Variants in SND1 observed in about 807,000 individuals in gnomAD.
SND1 encodes staphylococcal nuclease domain-containing protein 1.
Under a neutral mutation model 121.7 loss-of-function variants are expected in SND1, and 38 were observed. The ratio of observed to expected loss-of-function variants is 0.31; its 90% confidence interval spans 0.24 to 0.41. The LOEUF (loss-of-function observed/expected upper bound fraction) is 0.41. SND1 is among the 10% of genes least tolerant of loss of function. The pLI, the probability that SND1 is intolerant of heterozygous loss-of-function variation, is 1.00. For synonymous variants in SND1, 401 were observed against 447.4 expected (o/e 0.90, Z 1.31); for missense variants, 868 against 1,184.6 (o/e 0.73, Z 3.92).
At chr7:127,857,188 T>A (rs990501695) in intron 12 of SND1, among the ~76,000 whole-genome samples, 7 of 114,700 alleles carry the variant, frequency 6.1e-5, no homozygotes, top group Non-Finnish European at 9.3e-5. Flanking sequence ...CAACACTTTT[T>A]TTTTTTTTTT....
rs75570651 is a variant in SND1, at chr7:127,939,527, C to T, written c.1669+10198C>T. 1.8e-3 allele frequency among the ~76,000 whole-genome samples: 273 copies of T among 152,262 alleles called. 1 individual carries two copies. The highest frequency in any genetic ancestry group is 3.4e-3 in the Middle Eastern group (1 of 294). ...AGATGAATTCTTGCCCTCCTGCTTC[C>T]TAATTAATTATTTCCGTCAGACTGG... On this transcript the variant is annotated intron_variant, in intron 15 of 23. Transcript: ENST00000354725.
chr7:127,836,528 G>A (rs1379542909), intron 11 of SND1, among the ~76,000 whole-genome samples: 3 of 152,240 alleles, frequency 2.0e-5, no homozygotes, highest in South Asian at 2.1e-4. Context: ...ACAACAAAAT[G>A]TATAATTTTT....
At chr7:127,812,603 G>A (rs1192350952) in intron 11 of SND1, among the ~76,000 whole-genome samples, 1 of 152,180 alleles carries the variant, frequency 6.6e-6, no homozygotes, top group Non-Finnish European at 1.5e-5. Flanking sequence ...CAGGGTCACG[G>A]AGAAGTTGAG....
chr7:128,009,118 C>T (rs975157534), intron 16 of SND1, among the ~76,000 whole-genome samples: 12 of 152,158 alleles, frequency 7.9e-5, no homozygotes, highest in Admixed American at 2.6e-4. Context: ...TGCCTATGAG[C>T]GGCCCCCTGG....
chr7:127,762,712 T>C (rs910254861), intron 10 of SND1, among the ~76,000 whole-genome samples: 1 of 152,230 alleles, frequency 6.6e-6, no homozygotes, highest in Non-Finnish European at 1.5e-5. Flanking sequence ...TGTCTTGATA[T>C]GTGATGCTGA....
At chr7:127,946,290 G>T (rs563150572) in intron 15 of SND1, among the ~76,000 whole-genome samples, 2 of 152,332 alleles carry the variant, frequency 1.3e-5, no homozygotes, top group South Asian at 2.1e-4. Flanking sequence ...TGTGGGATGG[G>T]TTTATGAGCT....
At position 127,917,107 on chromosome 7, in the gene SND1, C is replaced by T. The variant is rs1057260660; in HGVS notation, c.1528-12081C>T. On this transcript the variant is annotated intron_variant, in intron 14 of 23. Coordinates refer to ENST00000354725, the MANE Select transcript of SND1 (RefSeq NM_014390.4). The stretch of plus-strand genomic sequence containing the variant: ...TCAATTCTCTGCCATCACTTACGCA[C>T]TCTGTGGTACATCATTTTCCACTGA... Among the ~76,000 whole-genome samples the T allele has an allele frequency of 2.0e-5, 3 of 152,210 alleles. No homozygotes were observed. In the East Asian group the frequency reaches 5.8e-4, roughly 29 times the overall value.
chr7:127,918,048 A>AT (rs1334995069), intron 14 of SND1, among the ~76,000 whole-genome samples: 12 of 68,098 alleles, frequency 1.8e-4, no homozygotes, highest in South Asian at 7.4e-4. Context: ...TCGGCCATAG[A>AT]TTTTTTCTTT....
At chr7:127,866,457 AGG>A (rs1799479220) in intron 12 of SND1, among the ~76,000 whole-genome samples, 2 of 150,388 alleles carry the variant, frequency 1.3e-5, no homozygotes, top group Non-Finnish European at 3.0e-5. Context: ...GATGCTGCCT[AGG>A]TGTTCCTTGG....
At chr7:128,068,224 T>A (rs1428600854) in intron 16 of SND1, among the ~76,000 whole-genome samples, 1 of 151,874 alleles carries the variant, frequency 6.6e-6, no homozygotes. Flanking sequence ...TCCCCACACT[T>A]ACCACATGCA....
At chr7:128,022,435 T>C (rs1803378122) in intron 16 of SND1, among the ~76,000 whole-genome samples, 1 of 152,120 alleles carries the variant, frequency 6.6e-6, no homozygotes. Context: ...CTGCTATCCT[T>C]TCAAAACTCT....
intron 9 of SND1, among the ~76,000 whole-genome samples, chr7:127,715,870 C>T (rs1796379499): frequency 6.6e-6 from 1 of 152,120 alleles, no homozygotes; most frequent in Admixed American, 6.6e-5. Flanking sequence ...AGTAATGAAT[C>T]CATTTTGAGT....
At chr7:127,865,508 TAAAC>T (rs1040417206) in intron 12 of SND1, among the ~76,000 whole-genome samples, 7 of 152,292 alleles carry the variant, frequency 4.6e-5, no homozygotes, top group South Asian at 2.1e-4. Flanking sequence ...GGTACAAGAT[TAAAC>T]AAACAAACAA....
At chr7:127,710,005 A>G (rs1180704102) in intron 9 of SND1, among the ~76,000 whole-genome samples, 1 of 151,680 alleles carries the variant, frequency 6.6e-6, no homozygotes, top group Non-Finnish European at 1.5e-5. Context: ...TTTTTTTTTA[A>G]CAAAGTTGAT....
intron 9 of SND1, among the ~76,000 whole-genome samples, chr7:127,714,154 G>A (rs1372713386): frequency 6.6e-6 from 1 of 152,144 alleles, no homozygotes; most frequent in African/African-American, 2.4e-5. Context: ...CTGGTTAGAG[G>A]CTTCTTGCTT....
At chr7:127,666,942 A>G (rs1018084620) in intron 1 of SND1, among the ~76,000 whole-genome samples, 12 of 152,198 alleles carry the variant, frequency 7.9e-5, no homozygotes, top group Non-Finnish European at 1.3e-4. Context: ...TTTAATAATG[A>G]GGAGAATCCT....
Position 127,929,211 on chromosome 7 carries a change from C to A in SND1, c.1551C>A (p.Phe517Leu), listed in dbSNP as rs745974485. 6.2e-7 allele frequency: 1 copy of A among 1,614,110 alleles called. No individual in the cohort carries two copies. Among genetic ancestry groups the A allele is most frequent in the South Asian group, 1.1e-5 (1 of 91,088 alleles). ...ISGDTQKAKQ[F>L]LPFLQRAGRS... Reference sequence around the variant, plus strand: ...AGGATACCCAAAAAGCAAAGCAGTTCCTGCCTTTTCTTCAGCGGGCAGGTC... The same window carrying A: ...AGGATACCCAAAAAGCAAAGCAGTTACTGCCTTTTCTTCAGCGGGCAGGTC... Residue 517 changes from phenylalanine to leucine, a missense_variant, in exon 15 of 24, where the codon TTC becomes TTA. Around this residue, in one of 2 missense-constraint regions of SND1, gnomAD observed 743 missense variants for 1,071.3 expected, o/e 0.69. Transcript: ENST00000354725.
intron 16 of SND1, among the ~76,000 whole-genome samples, chr7:128,003,227 T>G (rs1055789150): frequency 2.6e-5 from 4 of 151,018 alleles, no homozygotes; most frequent in Admixed American, 2.6e-4. Flanking sequence ...AAGAAAAAAA[T>G]GAAAATGAAA....
chr7:127,717,774 A>G (rs79400615), intron 9 of SND1, among the ~76,000 whole-genome samples: 1 of 152,180 alleles, frequency 6.6e-6, no homozygotes, highest in South Asian at 2.1e-4. Context: ...AAATTTTGGC[A>G]GCATTGGGGC....
Sources: gnomAD v4.1 joint callset for allele counts (sites outside exome capture counted in the v4.1 genomes callset) on GRCh38, gnomAD v4.1.1 for gene constraint, gnomAD v4.1.1 regional missense constraint, MANE v1.5 for transcripts, NCBI Gene and HGNC (gene_info 2026-07-23, HGNC 2026-07-21) for gene names.